The following PDE11A variants were observed in gnomAD, a reference collection of about 807,000 sequenced individuals.
PDE11A encodes phosphodiesterase 11A, also known as dual 3',5'-cyclic-AMP and -GMP phosphodiesterase 11A.
PDE11A carries 100 observed loss-of-function variants against 100.5 expected under a neutral mutation model. The observed-to-expected ratio is 1.00, with a 90% CI of 0.85 to 1.18. The LOEUF (loss-of-function observed/expected upper bound fraction) is 1.18, where lower values mean the gene tolerates loss of function less well. PDE11A is among the 50% of genes most tolerant of loss of function. The probability of loss-of-function intolerance (pLI) is 0.00; values close to 1 mark genes in which losing one functional copy is unlikely to be tolerated. For missense variants in PDE11A, 1,141 were observed against 1,152.6 expected (o/e 0.99, Z 0.15); for synonymous variants, 381 against 420.8 (o/e 0.91, Z 1.16).
In PDE11A at chr2:177,629,553, T is replaced by C; in HGVS notation, c.2656A>G (p.Lys886Glu). Residue 886 changes from lysine (K) to glutamate (E), a missense_variant, in exon 20 of 20, where the codon AAG becomes GAG. By Grantham distance (56) the Lys-to-Glu change is moderately conservative. Coordinates refer to ENST00000286063, the MANE Select transcript of PDE11A (RefSeq NM_016953.4). ...ICMPLYQALV[K>E]VNVKLKPMLD... ...ATCGGCTTCAGTTTCACGTTGACCTTCACCAGTGCCTAAAACAAAACAAAA... is the reference window on the plus strand; with the variant it reads ...ATCGGCTTCAGTTTCACGTTGACCTCCACCAGTGCCTAAAACAAAACAAAA... 6.2e-7 allele frequency: 1 copy of C among 1,614,092 alleles called. No homozygotes were observed. Among genetic ancestry groups the C allele is most frequent in the Non-Finnish European group, 8.5e-7 (1 of 1,180,000 alleles).
At chr2:178,076,416 A>G (rs1355781637), upstream of PDE11A, among the ~76,000 whole-genome samples, 1 of 152,188 alleles carries the variant, frequency 6.6e-6, no homozygotes, top group Non-Finnish European at 1.5e-5. Context: ...ACATTTTAGT[A>G]CTGGATGGAA....
At chr2:177,694,537 A>T (rs1189787290) in intron 15 of PDE11A, among the ~76,000 whole-genome samples, 2 of 152,230 alleles carry the variant, frequency 1.3e-5, no homozygotes, top group African/African-American at 4.8e-5. Flanking sequence ...CATTTCTAAG[A>T]CATGACATAG....
chr2:178,086,966 C>T (rs954147034), intron 2 of PDE11A, among the ~76,000 whole-genome samples: 4 of 152,138 alleles, frequency 2.6e-5, no homozygotes, highest in African/African-American at 9.7e-5. Context: ...CAAGAAGAAA[C>T]CTGCATCTGT....
intron 9 of PDE11A, among the ~76,000 whole-genome samples, chr2:177,781,292 C>A (rs1331985729): frequency 6.6e-6 from 1 of 152,102 alleles, no homozygotes; most frequent in Non-Finnish European, 1.5e-5. Flanking sequence ...GTTCATAGTG[C>A]CCCAAAGGAT....
intron 2 of PDE11A, among the ~76,000 whole-genome samples, chr2:177,940,529 A>T (rs1022194195): frequency 6.6e-6 from 1 of 152,214 alleles, no homozygotes; most frequent in Non-Finnish European, 1.5e-5. Flanking sequence ...AGTCCTATTT[A>T]TAATAATTTG....
At chr2:177,724,968 T>C (rs534687855) in intron 12 of PDE11A, among the ~76,000 whole-genome samples, 1 of 152,068 alleles carries the variant, frequency 6.6e-6, no homozygotes, top group African/African-American at 2.4e-5. Flanking sequence ...TTCTTTCTTT[T>C]TTCCCCCCAG....
At chr2:178,037,426 G>A (rs988040029) in intron 1 of PDE11A, among the ~76,000 whole-genome samples, 2 of 152,178 alleles carry the variant, frequency 1.3e-5, no homozygotes, top group Non-Finnish European at 2.9e-5. Flanking sequence ...ATTGGTGGGA[G>A]TGTAAATTAG....
intron 2 of PDE11A, among the ~76,000 whole-genome samples, chr2:178,082,933 T>C (rs2087304850): frequency 6.6e-6 from 1 of 152,090 alleles, no homozygotes; most frequent in African/African-American, 2.4e-5. Flanking sequence ...TCTCACACAA[T>C]CATGGCTGAG....
intron 10 of PDE11A, among the ~76,000 whole-genome samples, chr2:177,748,634 G>GT (rs892234787): frequency 4.7e-4 from 26 of 55,056 alleles, no homozygotes; most frequent in South Asian, 2.2e-3. Flanking sequence ...TGAGACAGCA[G>GT]TTTTTTTTTT....
In PDE11A at chr2:177,772,765, T is replaced by C. The variant is rs139854914; in HGVS notation, c.1738-3392A>G. Among the ~76,000 whole-genome samples, 902 of 151,812 alleles carry C rather than the reference T, an allele frequency of 5.9e-3. 12 individuals are homozygous for C. Among genetic ancestry groups the C allele is most frequent in the African/African-American group, 0.02 (837 of 41,248 alleles). On this transcript the variant is annotated intron_variant, in intron 9 of 19. Coordinates refer to ENST00000286063, the MANE Select transcript of PDE11A (RefSeq NM_016953.4). The stretch of plus-strand genomic sequence containing the variant: ...ACTAAATTGAAACAATTTGAAACAG[T>C]GAAGCAGACAATTATTACAGATTAA...
At chr2:177,711,925 G>T in intron 12 of PDE11A, 47 bp from the exon 13 acceptor site, 3 of 961,584 alleles carry the variant, frequency 3.1e-6, no homozygotes, top group Non-Finnish European at 5.1e-6. Context: ...GGGTACGGAG[G>T]ATGGATAAGG....
chr2:177,801,536 A>G (rs1031849208), intron 9 of PDE11A, among the ~76,000 whole-genome samples: 1 of 152,184 alleles, frequency 6.6e-6, no homozygotes, highest in African/African-American at 2.4e-5. Flanking sequence ...GAGTTAATAA[A>G]TATTTTTTAA....
intron 9 of PDE11A, among the ~76,000 whole-genome samples, chr2:177,789,346 T>A (rs1050870713): frequency 3.3e-5 from 5 of 152,116 alleles, no homozygotes; most frequent in African/African-American, 1.2e-4. Context: ...CAATGCTTCA[T>A]GCTAAAAACT....
chr2:177,767,718 C>T (rs961925143), intron 10 of PDE11A, among the ~76,000 whole-genome samples: 3 of 152,088 alleles, frequency 2.0e-5, no homozygotes, highest in African/African-American at 2.4e-5. Flanking sequence ...CCAACTGCTT[C>T]GAGTTCTAGA....
intron 5 of PDE11A, among the ~76,000 whole-genome samples, chr2:177,861,074 T>C (rs2105669321): frequency 1.3e-5 from 2 of 151,862 alleles, no homozygotes; most frequent in East Asian, 3.9e-4. Flanking sequence ...AACAATGTAC[T>C]GGAGGTTCTA....
At chr2:177,780,061 C>T (rs1440440792) in intron 9 of PDE11A, among the ~76,000 whole-genome samples, 1 of 152,098 alleles carries the variant, frequency 6.6e-6, no homozygotes, top group East Asian at 1.9e-4. Context: ...ACAGCTCCAC[C>T]GGAGTGTTTG....
At position 177,875,891 on chromosome 2, in the gene PDE11A, C is replaced by T. The variant is rs1446091753; in HGVS notation, c.1335G>A (p.Met445Ile). Residue 445 changes from methionine (M) to isoleucine (I), a missense_variant, in exon 5 of 20, where the codon ATG becomes ATA. Met to Ile is a conservative substitution (Grantham distance 10, BLOSUM62 1). Coordinates refer to ENST00000286063, the MANE Select transcript of PDE11A (RefSeq NM_016953.4). Reference sequence around the variant, plus strand: ...CAGCATCAGCACTGCACTTTGGGGACATCAATTCAAAGGATTTGGTAAATT... The same window carrying T: ...CAGCATCAGCACTGCACTTTGGGGATATCAATTCAAAGGATTTGGTAAATT... ...VVKFTKSFEL[M>I]SPKCSADAEN... 2 of 1,612,328 alleles carry T rather than the reference C, an allele frequency of 1.2e-6. No individual in the cohort carries two copies. Among genetic ancestry groups the T allele is most frequent in the Non-Finnish European group, 1.7e-6 (2 of 1,178,400 alleles).
chr2:177,758,540 C>G lies in PDE11A; in HGVS notation c.1788+10783G>C, dbSNP rs965172799. On this transcript the variant is annotated intron_variant, in intron 10 of 19. Coordinates refer to ENST00000286063, the MANE Select transcript of PDE11A (RefSeq NM_016953.4). ...AAGGAAGAGAAGGAGTGCCTGATGG[C>G]TCTATCAGCTCTGGCAAGGAAATGA... Among the ~76,000 whole-genome samples the G allele has an allele frequency of 3.9e-5, 6 of 152,280 alleles. No homozygotes were observed. The South Asian group carries it at 1.2e-3, about 32-fold the overall frequency.
At position 178,056,439 on chromosome 2, in the gene PDE11A, C is replaced by T. The variant is rs764495384; in HGVS notation, c.912+15087G>A. ...ATATCAAAGAAAGAATATTTATTAT[C>T]GTTCTCATTCTAATAAAAGCCTGGA... On this transcript the variant is annotated intron_variant, in intron 1 of 19. Coordinates refer to ENST00000286063, the MANE Select transcript of PDE11A (RefSeq NM_016953.4). 3.3e-5 allele frequency among the ~76,000 whole-genome samples: 5 copies of T among 152,098 alleles called. No individual in the cohort carries two copies. The East Asian group carries it at 5.8e-4, about 18-fold the overall frequency.
Sources: gnomAD v4.1 joint callset for allele counts (sites outside exome capture counted in the v4.1 genomes callset) on GRCh38, gnomAD v4.1.1 for gene constraint, MANE v1.5 for transcripts, NCBI Gene and HGNC (gene_info 2026-07-23, HGNC 2026-07-21) for gene names.